FRYL: variants seen among roughly 807,000 people sequenced by gnomAD.
FRYL encodes the protein FRY like transcription coactivator.
Under a neutral mutation model 351.2 loss-of-function variants are expected in FRYL, and 150 were observed. The ratio of observed to expected loss-of-function variants is 0.43; its 90% CI spans 0.37 to 0.49. The LOEUF is 0.49. FRYL is among the 20% of genes least tolerant of loss of function. FRYL has a pLI of 0.00. For missense variants in FRYL, 3,036 were observed against 3,619.3 expected (o/e 0.84, Z 4.13); for synonymous variants, 1,153 against 1,257.1 (o/e 0.92, Z 1.75).
chr4:48,555,341 C>A (rs1428965063), intron 35 of FRYL, among the ~76,000 whole-genome samples: 1 of 152,134 alleles, frequency 6.6e-6, no homozygotes, highest in African/African-American at 2.4e-5. Flanking sequence ...TCTTAAGGAG[C>A]CTACAATCTA....
chr4:48,510,768 A>G, intron 58 of FRYL, 67 bp downstream of exon 58: 1 of 1,260,250 alleles, frequency 7.9e-7, no homozygotes, highest in South Asian at 1.3e-5. Flanking sequence ...TTACTTAGAA[A>G]AAAAGACTTA....
At position 48,540,782 on chromosome 4, in the gene FRYL, G is replaced by A. The variant is rs773288950; in HGVS notation, c.5866C>T (p.Arg1956Trp). The A allele has an allele frequency of 1.5e-5, 25 of 1,613,826 alleles. No individual in the cohort carries two copies. Among genetic ancestry groups the A allele is most frequent in the East Asian group, 8.9e-5 (4 of 44,868 alleles). Residue 1956 changes from arginine to tryptophan, a missense_variant, in exon 46 of 64, where the codon CGG becomes TGG. Physicochemically the swap from Arg to Trp is moderately radical, Grantham distance 101 (BLOSUM62 -3). Around this residue, in one of 7 missense-constraint regions of FRYL, gnomAD observed 1,987 missense variants for 2,311.7 expected, o/e 0.86. Transcript: ENST00000358350. ...TCCATTATATCCAGTGTGTTACTCC[G>A]CCGCCGGTCACCTCGTCGGTCACCA... ...LIGDRRGDRR[R>W]SNTLDIMDGR...
chr4:48,573,344 C>A, intron 25 of FRYL, 101 bp from the exon 26 acceptor site: 1 of 745,488 alleles, frequency 1.3e-6, no homozygotes, highest in Non-Finnish European at 2.3e-6. Context: ...GTGTTAATTC[C>A]AATCCTACTG....
At chr4:48,689,553 A>G (rs1410506568) in intron 2 of FRYL, among the ~76,000 whole-genome samples, 2 of 152,242 alleles carry the variant, frequency 1.3e-5, no homozygotes, top group East Asian at 1.9e-4. Flanking sequence ...ATCTATTACT[A>G]TAAGTACACC....
At chr4:48,633,130 T>C (rs1423002840) in intron 4 of FRYL, among the ~76,000 whole-genome samples, 1 of 152,164 alleles carries the variant, frequency 6.6e-6, no homozygotes, top group Non-Finnish European at 1.5e-5. Context: ...CACTGTGTTC[T>C]TAGTACATCA....
At chr4:48,707,082 G>A (rs1767447233) in intron 2 of FRYL, among the ~76,000 whole-genome samples, 1 of 152,168 alleles carries the variant, frequency 6.6e-6, no homozygotes, top group African/African-American at 2.4e-5. Context: ...CTAAGTTTCA[G>A]GGTAGTTTGT....
At chr4:48,598,695 T>C (rs764151061) in intron 13 of FRYL, 12 of 189,264 alleles carry the variant, frequency 6.3e-5, no homozygotes, top group Non-Finnish European at 9.8e-5. Flanking sequence ...TGTGCTACTC[T>C]TCTCTTAAAA....
intron 5 of FRYL, among the ~76,000 whole-genome samples, chr4:48,621,916 G>A (rs1750717579): frequency 6.6e-6 from 1 of 151,920 alleles, no homozygotes; most frequent in Non-Finnish European, 1.5e-5. Flanking sequence ...AGAAAACTAA[G>A]GTATAAACAA....
At chr4:48,536,826 A>G (rs1037541774) in intron 47 of FRYL, among the ~76,000 whole-genome samples, 3 of 152,220 alleles carry the variant, frequency 2.0e-5, no homozygotes, top group Non-Finnish European at 2.9e-5. Flanking sequence ...TTTCAAATGA[A>G]TATCACTAAT....
chr4:48,745,826 A>C (rs1246665109), intron 1 of FRYL, among the ~76,000 whole-genome samples: 2 of 152,208 alleles, frequency 1.3e-5, no homozygotes, highest in African/African-American at 2.4e-5. Context: ...ATAATTATCT[A>C]GGTGAGAAAT....
chr4:48,712,577 C>T (rs1038543231), intron 1 of FRYL, among the ~76,000 whole-genome samples: 1 of 152,010 alleles, frequency 6.6e-6, no homozygotes, highest in African/African-American at 2.4e-5. Flanking sequence ...GTGAAAAGAC[C>T]AAATCTACGT....
intron 3 of FRYL, among the ~76,000 whole-genome samples, chr4:48,658,452 G>A (rs897675443): frequency 1.3e-5 from 2 of 151,814 alleles, no homozygotes; most frequent in Non-Finnish European, 2.9e-5. Context: ...AAAGGTTTTA[G>A]GTAGGCTGGG....
At chr4:48,629,953 A>G (rs1166723651) in intron 4 of FRYL, among the ~76,000 whole-genome samples, 1 of 152,170 alleles carries the variant, frequency 6.6e-6, no homozygotes, top group African/African-American at 2.4e-5. Context: ...GGCAAAATAC[A>G]ATGATGCTGA....
intron 1 of FRYL, among the ~76,000 whole-genome samples, chr4:48,757,768 G>C (rs1357121015): frequency 2.6e-5 from 4 of 152,098 alleles, no homozygotes; most frequent in Admixed American, 2.6e-4. Context: ...AAAAGAGCCT[G>C]CATCGCCAAG....
intron 3 of FRYL, among the ~76,000 whole-genome samples, chr4:48,677,679 G>A (rs969242722): frequency 1.3e-5 from 2 of 152,038 alleles, no homozygotes; most frequent in African/African-American, 4.8e-5. Context: ...CCAAATTGCT[G>A]GGATTACAAG....
intron 19 of FRYL, among the ~76,000 whole-genome samples, chr4:48,584,364 C>G (rs1172702988): frequency 6.6e-6 from 1 of 152,180 alleles, no homozygotes; most frequent in Non-Finnish European, 1.5e-5. Flanking sequence ...ATTCACCCTG[C>G]TGAACTCAGT....
intron 3 of FRYL, among the ~76,000 whole-genome samples, chr4:48,668,697 T>A (rs959046393): frequency 1.3e-5 from 2 of 152,220 alleles, no homozygotes; most frequent in Non-Finnish European, 2.9e-5. Context: ...AACAATACTT[T>A]CATGTTAAAT....
At chr4:48,772,679 C>CA (rs33926702) in intron 1 of FRYL, among the ~76,000 whole-genome samples, 119 of 50,274 alleles carry the variant, frequency 2.4e-3, no homozygotes, top group African/African-American at 3.1e-3. Flanking sequence ...AGAGACCTAC[C>CA]AAAAAAAAAA....
chr4:48,666,080 G>A (rs115128509), intron 3 of FRYL, among the ~76,000 whole-genome samples: 2,774 of 152,326 alleles, frequency 0.018, 80 homozygotes, highest in African/African-American at 0.063. Context: ...AAGAGGACAA[G>A]GCCAAGCACA....
Sources: allele counts gnomAD v4.1 joint callset (sites outside exome capture counted in the v4.1 genomes callset), GRCh38; gene constraint gnomAD v4.1.1; regional missense constraint gnomAD v4.1.1; transcripts MANE v1.5; gene names NCBI Gene and HGNC (gene_info 2026-07-23, HGNC 2026-07-21).